Variants in UBAC2 observed in about 807,000 individuals in gnomAD.
UBAC2 encodes ubiquitin-associated domain-containing protein 2.
In UBAC2, 26 loss-of-function variants were observed where a neutral mutation model predicts 44.0. The ratio of observed to expected loss-of-function variants is 0.59; its 90% confidence interval spans 0.43 to 0.82. The LOEUF (loss-of-function observed/expected upper bound fraction) is 0.82. UBAC2 is among the 40% of genes least tolerant of loss of function. UBAC2 has a pLI of 0.00. For missense variants in UBAC2, 329 were observed against 419.4 expected, an observed-to-expected ratio of 0.78 and a Z score of 1.88; for synonymous variants, 155 against 154.3, an observed-to-expected ratio of 1.00 and a Z score of -0.04.
At chr13:99,255,649 A>G (rs1212560392) in intron 4 of UBAC2, 1 of 1,614,150 alleles carries the variant, frequency 6.2e-7, no homozygotes, top group Non-Finnish European at 8.5e-7. Context: ...TCGAAAGGGT[A>G]AAGTCATTAT....
chr13:99,272,722 A>AC (rs1176078363), intron 4 of UBAC2, among the ~76,000 whole-genome samples: 3 of 151,974 alleles, frequency 2.0e-5, no homozygotes, highest in Non-Finnish European at 4.4e-5. Context: ...TGGGGGCCCC[A>AC]CCCTCATGAC....
intron 4 of UBAC2, among the ~76,000 whole-genome samples, chr13:99,274,774 G>A (rs1160427446): frequency 6.7e-6 from 1 of 149,400 alleles, no homozygotes; most frequent in African/African-American, 2.5e-5. Flanking sequence ...GGAGTGTGGT[G>A]GCACGCAGTC....
chr13:99,381,096 A>G (rs2045544850), intron 8 of UBAC2, among the ~76,000 whole-genome samples: 1 of 152,258 alleles, frequency 6.6e-6, no homozygotes, highest in Non-Finnish European at 1.5e-5. Flanking sequence ...GTACATAGAA[A>G]GCTTTCGTTC....
At chr13:99,225,712 G>A (rs2043103405) in intron 1 of UBAC2, among the ~76,000 whole-genome samples, 1 of 152,188 alleles carries the variant, frequency 6.6e-6, no homozygotes, top group Non-Finnish European at 1.5e-5. Context: ...ACCAGACAAA[G>A]CTGATGCCCT....
chr13:99,331,377 T>C (rs1406647810), intron 6 of UBAC2, among the ~76,000 whole-genome samples: 1 of 152,236 alleles, frequency 6.6e-6, no homozygotes, highest in Non-Finnish European at 1.5e-5. Flanking sequence ...TCCTGATGCA[T>C]GATTTCCCAA....
intron 6 of UBAC2, among the ~76,000 whole-genome samples, chr13:99,319,792 T>TC (rs1233867268): frequency 1.3e-5 from 2 of 152,118 alleles, no homozygotes; most frequent in Non-Finnish European, 2.9e-5. Flanking sequence ...GGTGCCAGAC[T>TC]CCCCCAAGTC....
At chr13:99,284,920 A>G (rs2043998859) in intron 4 of UBAC2, among the ~76,000 whole-genome samples, 1 of 152,194 alleles carries the variant, frequency 6.6e-6, no homozygotes. Context: ...TAACTTTTTC[A>G]TGAAAAATTT....
chr13:99,368,696 T>A (rs1428106675), intron 8 of UBAC2, among the ~76,000 whole-genome samples: 6 of 149,028 alleles, frequency 4.0e-5, no homozygotes, highest in African/African-American at 1.5e-4. Context: ...AGAGTGTGTG[T>A]GTGTGTGTGT....
intron 1 of UBAC2, among the ~76,000 whole-genome samples, chr13:99,233,402 C>T (rs1203494362): frequency 6.6e-6 from 1 of 152,182 alleles, no homozygotes; most frequent in African/African-American, 2.4e-5. Context: ...TGAGCCACTG[C>T]ACCCGGCCTC....
At chr13:99,323,159 C>T (rs892255337) in intron 6 of UBAC2, among the ~76,000 whole-genome samples, 6 of 151,954 alleles carry the variant, frequency 3.9e-5, no homozygotes, top group Non-Finnish European at 7.4e-5. Flanking sequence ...CCTTTTTTCC[C>T]TTAGATTGCT....
intron 6 of UBAC2, among the ~76,000 whole-genome samples, chr13:99,319,955 T>A (rs79016676): frequency 4.6e-5 from 7 of 152,254 alleles, no homozygotes; most frequent in African/African-American, 1.7e-4. Flanking sequence ...AGTAATGGTT[T>A]TGAGTTCTGT....
chr13:99,375,970 A>AT (rs34164759), intron 8 of UBAC2, among the ~76,000 whole-genome samples: 19,589 of 130,744 alleles, frequency 0.15, 1,676 homozygotes, highest in South Asian at 0.28. Flanking sequence ...AGCCCAGCTA[A>AT]TTTTTTTTTT....
intron 7 of UBAC2, among the ~76,000 whole-genome samples, chr13:99,341,779 A>G (rs1035701784): frequency 5.9e-5 from 9 of 152,222 alleles, no homozygotes; most frequent in Non-Finnish European, 1.0e-4. Flanking sequence ...GAAAGGTATG[A>G]GAAATCAGAA....
intron 7 of UBAC2, among the ~76,000 whole-genome samples, chr13:99,343,569 T>G (rs917695680): frequency 3.9e-5 from 6 of 152,396 alleles, no homozygotes; most frequent in African/African-American, 9.6e-5. Context: ...CTAACAGATC[T>G]GAAGTCCAGA....
At chr13:99,326,978 G>T (rs1232810611) in intron 6 of UBAC2, among the ~76,000 whole-genome samples, 1 of 152,146 alleles carries the variant, frequency 6.6e-6, no homozygotes, top group East Asian at 1.9e-4. Flanking sequence ...AGCCTTCTGT[G>T]TGCTGACCAA....
chr13:99,208,681 C>G (rs1201059978), intron 1 of UBAC2, among the ~76,000 whole-genome samples: 1 of 152,212 alleles, frequency 6.6e-6, no homozygotes, highest in Non-Finnish European at 1.5e-5. Context: ...CGGCTCCTCT[C>G]TGTCCCTCAG....
chr13:99,342,498 T>C (rs546981220), intron 7 of UBAC2, among the ~76,000 whole-genome samples: 28 of 152,058 alleles, frequency 1.8e-4, no homozygotes, highest in Non-Finnish European at 3.1e-4. Flanking sequence ...ACACACAGTC[T>C]CTGTGGATGC....
At chr13:99,284,809 G>A (rs955921228) in intron 4 of UBAC2, among the ~76,000 whole-genome samples, 2 of 152,126 alleles carry the variant, frequency 1.3e-5, no homozygotes, top group Non-Finnish European at 2.9e-5. Flanking sequence ...TACAGAAAAC[G>A]ATACATATTC....
intron 4 of UBAC2, among the ~76,000 whole-genome samples, chr13:99,303,413 AGTT>A (rs1409524997): frequency 1.3e-5 from 2 of 152,190 alleles, no homozygotes; most frequent in Non-Finnish European, 2.9e-5. Context: ...CACATATTCT[AGTT>A]ATTTTCTTTC....
Sources: gnomAD v4.1 joint callset for allele counts (sites outside exome capture counted in the v4.1 genomes callset) on GRCh38, gnomAD v4.1.1 for gene constraint, MANE v1.5 for transcripts, NCBI Gene and HGNC (gene_info 2026-07-23, HGNC 2026-07-21) for gene names.